The following CASTOR2 variants were observed in gnomAD, a reference collection of about 807,000 sequenced individuals.
CASTOR2 encodes cytosolic arginine sensor for mTORC1 subunit 2.
Under a neutral mutation model 31.2 loss-of-function variants are expected in CASTOR2, and 8 were observed. That is an observed-to-expected ratio of 0.26 (90% CI 0.15 to 0.46). The LOEUF (loss-of-function observed/expected upper bound fraction) is 0.46, where lower values mean the gene tolerates loss of function less well. Ranked by LOEUF, CASTOR2 falls within the 20% of genes least tolerant of loss-of-function variation. The pLI, the probability that CASTOR2 is intolerant of heterozygous loss-of-function variation, is 0.99. For missense variants in CASTOR2, 216 were observed against 382.1 expected, an observed-to-expected ratio of 0.57 and a Z score of 3.62; for synonymous variants, 162 against 158.7, an observed-to-expected ratio of 1.02 and a Z score of -0.16.
Position 75,024,723 on chromosome 7 carries a change from G to A in CASTOR2, c.*24G>A. The A allele has an allele frequency of 6.4e-7, 1 of 1,551,548 alleles. No individual in the cohort carries two copies. Among genetic ancestry groups the A allele is most frequent in the Non-Finnish European group, 8.7e-7 (1 of 1,146,848 alleles). ...AGAAGGGTCTCTTCTGCTCCTCCCTGCCGCCGCCCGGGCCCAGCCCTAACC... is the reference window on the plus strand; with the variant it reads ...AGAAGGGTCTCTTCTGCTCCTCCCTACCGCCGCCCGGGCCCAGCCCTAACC... On this transcript the variant is annotated 3_prime_UTR_variant, in exon 9 of 9. Coordinates refer to ENST00000616305, the MANE Select transcript of CASTOR2 (RefSeq NM_001145064.3).
rs1162826492 is a variant in CASTOR2, at chr7:75,019,329, G to A, written c.635+234G>A. Among the ~76,000 whole-genome samples, 521 of 151,546 alleles carry A rather than the reference G, an allele frequency of 3.4e-3. 3 individuals are homozygous for A. The highest frequency in any genetic ancestry group is 6.0e-3 in the Admixed American group (91 of 15,224). ...AGTCTGAGGTAGGAGACACAGACCC[G>A]CCCCAGAGCTAGTCTGATGGGGGAC... is the stretch of plus-strand genomic sequence containing the variant. On this transcript the variant is annotated intron_variant, in intron 5 of 8. Transcript: ENST00000616305.
At position 75,026,371 on chromosome 7, in the gene CASTOR2, AAT is replaced by A. The variant is rs1308397947; in HGVS notation, c.*1674_*1675del. On this transcript the variant is annotated 3_prime_UTR_variant, in exon 9 of 9. Transcript: ENST00000616305. ...CGTCTGGCTAGTTATTGTATTTTTT[AAT>A]AGAGACGGGATTTCGTAACATTGCT... Among the ~76,000 whole-genome samples the A allele has an allele frequency of 4.0e-5, 6 of 151,480 alleles. 1 individual carries two copies. Among genetic ancestry groups the A allele is most frequent in the African/African-American group, 1.5e-4 (6 of 41,302 alleles).
chr7:74,995,209 T>C (rs35756940), intron 1 of CASTOR2, among the ~76,000 whole-genome samples: 99,992 of 151,248 alleles, frequency 0.66, 35,624 homozygotes, highest in East Asian at 0.93. Context: ...GAAGACTCTT[T>C]TTTTTAGGAC....
At chr7:74,984,650 C>T (rs1804021568) in intron 1 of CASTOR2, among the ~76,000 whole-genome samples, 1 of 152,172 alleles carries the variant, frequency 6.6e-6, no homozygotes, top group African/African-American at 2.4e-5. Context: ...GACAGTGAGG[C>T]TCCCCTTGAC....
At position 75,030,240 on chromosome 7, in the gene CASTOR2, G is replaced by C. The variant is rs1379461045; in HGVS notation, c.*5541G>C. On this transcript the variant is annotated 3_prime_UTR_variant, in exon 9 of 9. Transcript: ENST00000616305. ...GTTTGTGCATGTACCTGTGAGCGTG[G>C]ATGTGTTCCTATGCATTAGAGTGTG... 1.3e-5 allele frequency among the ~76,000 whole-genome samples: 2 copies of C among 152,256 alleles called. No homozygotes were observed. The highest frequency in any genetic ancestry group is 2.9e-5 in the Non-Finnish European group (2 of 68,044).
At chr7:75,015,240 C>T (rs1489710392) in intron 2 of CASTOR2, among the ~76,000 whole-genome samples, 1 of 152,184 alleles carries the variant, frequency 6.6e-6, no homozygotes, top group East Asian at 1.9e-4. Flanking sequence ...GCTGCCTTGG[C>T]TCACCCATCT....
chr7:75,019,828 G>A (rs1804951408), intron 5 of CASTOR2, among the ~76,000 whole-genome samples: 1 of 152,290 alleles, frequency 6.6e-6, no homozygotes, highest in East Asian at 1.9e-4. Context: ...GTGGGAGGCC[G>A]GCCGGGCCTC....
chr7:74,990,474 T>G (rs1167500331), intron 1 of CASTOR2, among the ~76,000 whole-genome samples: 2 of 152,132 alleles, frequency 1.3e-5, no homozygotes, highest in Admixed American at 6.5e-5. Context: ...TCCCAGCAAA[T>G]TTGGCAGACC....
In CASTOR2 at chr7:75,026,439, C is replaced by T. The variant is rs1805135146; in HGVS notation, c.*1740C>T. ...CTCCTGAGTTAAGTGATCCGCCTGC[C>T]TCGGCCTCCCAAAATGCCGGGATTA... On this transcript the variant is annotated 3_prime_UTR_variant, in exon 9 of 9. Transcript: ENST00000616305. Among the ~76,000 whole-genome samples, 1 of 152,138 alleles carries T rather than the reference C, an allele frequency of 6.6e-6. No homozygotes were observed. The highest frequency in any genetic ancestry group is 2.4e-5 in the African/African-American group (1 of 41,436).
rs1251712077 is a variant in CASTOR2, at chr7:75,003,687, T to G, written c.114-4307T>G. 9.9e-5 allele frequency among the ~76,000 whole-genome samples: 15 copies of G among 150,914 alleles called. No individual in the cohort carries two copies. In the East Asian group the frequency reaches 3.0e-3, roughly 30 times the overall value. ...ATGGCGTGAACCCAGGAGGCGGAGC[T>G]TGCAGTGAGCCGAGATTGCGCCACT... On this transcript the variant is annotated intron_variant, in intron 1 of 8. Coordinates refer to ENST00000616305, the MANE Select transcript of CASTOR2 (RefSeq NM_001145064.3).
chr7:75,015,761 C>T (rs1177577735), intron 2 of CASTOR2, among the ~76,000 whole-genome samples: 11 of 151,160 alleles, frequency 7.3e-5, no homozygotes, highest in African/African-American at 2.2e-4. Flanking sequence ...GTTGAGTGTA[C>T]GGTGAGCAAA....
Position 75,023,470 on chromosome 7 carries a change from G to GT in CASTOR2, c.830-964dup, listed in dbSNP as rs1473859596. On this transcript the variant is annotated intron_variant, in intron 7 of 8. Transcript: ENST00000616305. ...TGGATAGCATTTTTTTTTTCTTTTT[G>GT]TTTTTTGTTTTTTTTTTTTTTGAGA... 0.015 allele frequency among the ~76,000 whole-genome samples: 383 copies of GT among 25,000 alleles called. 11 individuals are homozygous for GT. In the East Asian group the frequency reaches 0.31, roughly 20 times the overall value. The allele number at this position is 25,000 out of a possible 152,430, so 16.4% of individuals were successfully genotyped here.
chr7:74,997,177 C>T (rs1389996943), intron 1 of CASTOR2, among the ~76,000 whole-genome samples: 6 of 152,114 alleles, frequency 3.9e-5, no homozygotes, highest in Non-Finnish European at 8.8e-5. Flanking sequence ...CCTCAGCCTC[C>T]TGAGTAGCTG....
At chr7:74,994,910 C>G (rs1804304445) in intron 1 of CASTOR2, among the ~76,000 whole-genome samples, 1 of 152,088 alleles carries the variant, frequency 6.6e-6, no homozygotes, top group Non-Finnish European at 1.5e-5. Flanking sequence ...TTGAGAGCTG[C>G]CTACGCTGGG....
chr7:74,985,912 C>CA (rs1463361392), intron 1 of CASTOR2, among the ~76,000 whole-genome samples: 1 of 151,986 alleles, frequency 6.6e-6, no homozygotes, highest in Non-Finnish European at 1.5e-5. Flanking sequence ...CTCACTGAGA[C>CA]ACGGATTCCA....
intron 1 of CASTOR2, among the ~76,000 whole-genome samples, chr7:74,997,044 T>C (rs1300045976): frequency 2.6e-5 from 4 of 151,816 alleles, no homozygotes; most frequent in African/African-American, 9.7e-5. Flanking sequence ...CGCCTGGTGC[T>C]TTTTTAATTT....
intron 1 of CASTOR2, among the ~76,000 whole-genome samples, chr7:75,007,156 AG>A (rs1246652351): frequency 2.0e-5 from 3 of 152,050 alleles, no homozygotes; most frequent in Non-Finnish European, 2.9e-5. Context: ...TCTAGGGTGC[AG>A]TGGGGGTGCG....
chr7:75,024,875 C>A lies in CASTOR2; in HGVS notation c.*176C>A. 2.0e-6 allele frequency: 3 copies of A among 1,467,380 alleles called. No homozygotes were observed. Among genetic ancestry groups the A allele is most frequent in the Non-Finnish European group, 2.8e-6 (3 of 1,081,472 alleles). 90.9% of individuals were successfully genotyped at this position (1,467,380 alleles called of 1,614,324 possible). On this transcript the variant is annotated 3_prime_UTR_variant, in exon 9 of 9. Transcript: ENST00000616305. Reference sequence around the variant, plus strand: ...CCAGGGCAGGGGCCCACGCCAAGGCCTCTCCATGCCCTCCTGCCTTCCCGG... The same window carrying A: ...CCAGGGCAGGGGCCCACGCCAAGGCATCTCCATGCCCTCCTGCCTTCCCGG...
rs1330589659 is a variant in CASTOR2 at position 75,030,810 on chromosome 7, T to C, written c.*6111T>C. Among the ~76,000 whole-genome samples, 3 of 152,196 alleles carry C rather than the reference T, an allele frequency of 2.0e-5. No individual in the cohort carries two copies. Among genetic ancestry groups the C allele is most frequent in the African/African-American group, 7.2e-5 (3 of 41,456 alleles). Reference sequence around the variant, plus strand: ...CAGCCCAGCTCTGATTGGAAGGGGCTGGGGCTGCCCGTGCTGACTCTTCAA... The same window carrying C: ...CAGCCCAGCTCTGATTGGAAGGGGCCGGGGCTGCCCGTGCTGACTCTTCAA... On this transcript the variant is annotated 3_prime_UTR_variant, in exon 9 of 9. Coordinates refer to ENST00000616305, the MANE Select transcript of CASTOR2 (RefSeq NM_001145064.3).
Sources: allele counts gnomAD v4.1 joint callset (sites outside exome capture counted in the v4.1 genomes callset), GRCh38; gene constraint gnomAD v4.1.1; transcripts MANE v1.5; gene names NCBI Gene and HGNC (gene_info 2026-07-23, HGNC 2026-07-21).